AACS: variants seen among roughly 807,000 people sequenced by gnomAD.
AACS encodes the protein acetoacetyl-CoA synthetase.
In AACS, 69 loss-of-function variants were observed where a neutral mutation model predicts 83.1. The observed-to-expected ratio is 0.83, with a 90% CI of 0.68 to 1.01. AACS has a LOEUF of 1.01. Among genes scored for constraint, AACS ranks in the 50% least tolerant of loss-of-function variants. AACS has a pLI of 0.00. For missense variants in AACS, 866 were observed against 882.2 expected, an observed-to-expected ratio of 0.98 and a Z score of 0.23; for synonymous variants, 333 against 343.4, an observed-to-expected ratio of 0.97 and a Z score of 0.33.
intron 14 of AACS, among the ~76,000 whole-genome samples, chr12:125,132,498 T>G (rs1372400193): frequency 6.6e-6 from 1 of 152,166 alleles, no homozygotes; most frequent in African/African-American, 2.4e-5. Flanking sequence ...GGGCTGCCAT[T>G]CATAGACTCA....
At chr12:125,076,652 G>A (rs750458119) in intron 3 of AACS, 41 bp downstream of exon 3, 11 of 1,611,846 alleles carry the variant, frequency 6.8e-6, no homozygotes, top group South Asian at 6.6e-5. Context: ...CTCCGTGGAA[G>A]TTCTAGATGG....
chr12:125,084,706 G>A (rs554769640), intron 3 of AACS, among the ~76,000 whole-genome samples: 4 of 152,000 alleles, frequency 2.6e-5, no homozygotes, highest in African/African-American at 7.2e-5. Context: ...AGTATCCCGA[G>A]TAGATAGGAC....
At chr12:125,075,584 G>T (rs1248388557) in intron 2 of AACS, among the ~76,000 whole-genome samples, 1 of 148,546 alleles carries the variant, frequency 6.7e-6, no homozygotes, top group Admixed American at 6.7e-5. Context: ...GAGCCACTGT[G>T]CCCAGCTGGA....
Position 125,107,179 on chromosome 12 carries a change from T to C in AACS, c.826T>C (p.Phe276Leu), listed in dbSNP as rs754194640. 1 of 1,613,970 alleles carries C rather than the reference T, an allele frequency of 6.2e-7. No individual in the cohort carries two copies. The change falls in exon 8 of 18, where the codon TTC (phenylalanine) becomes CTC (leucine). Residue 276 changes from phenylalanine (F) to leucine (L), a missense_variant. Physicochemically the swap from Phe to Leu is conservative, Grantham distance 22. Transcript: ENST00000316519. ...CAGTGAGCAGGCCCCGCAGCTGGAGTTCGAGCAGCTGCCCTTCAGCCACCC... is the reference window on the plus strand; with the variant it reads ...CAGTGAGCAGGCCCCGCAGCTGGAGCTCGAGCAGCTGCCCTTCAGCCACCC... Reference protein sequence around the residue: ...GTSEQAPQLEFEQLPFSHPLF... With the variant: ...GTSEQAPQLELEQLPFSHPLF...
At chr12:125,087,822 A>G (rs967983378) in intron 4 of AACS, among the ~76,000 whole-genome samples, 3 of 152,166 alleles carry the variant, frequency 2.0e-5, no homozygotes, top group Non-Finnish European at 4.4e-5. Flanking sequence ...AGGACTGGAC[A>G]TGGAGTTAGT....
chr12:125,132,351 A>C (rs73231679), intron 14 of AACS, among the ~76,000 whole-genome samples: 5,790 of 152,258 alleles, frequency 0.038, 142 homozygotes, highest in Non-Finnish European at 0.054. Flanking sequence ...GGCCCAGAAA[A>C]CCCAGAAATT....
At chr12:125,085,513 C>T (rs954151816) in intron 3 of AACS, among the ~76,000 whole-genome samples, 2 of 151,942 alleles carry the variant, frequency 1.3e-5, no homozygotes, top group African/African-American at 4.8e-5. Context: ...ACATGTGTTT[C>T]ATGGAACCAC....
At chr12:125,091,601 C>T in intron 5 of AACS, 78 bp downstream of exon 5, 1 of 1,463,826 alleles carries the variant, frequency 6.8e-7, no homozygotes, top group Non-Finnish European at 9.5e-7. Context: ...GGCTGAATTC[C>T]CAGGGGAGCC....
At chr12:125,114,625 GAC>G in intron 9 of AACS, 68 bp downstream of exon 9, 1 of 1,435,082 alleles carries the variant, frequency 7.0e-7, no homozygotes, top group South Asian at 1.3e-5. Flanking sequence ...GCCAGCCCAT[GAC>G]ACATAGTAAG....
intron 1 of AACS, among the ~76,000 whole-genome samples, chr12:125,070,751 A>G (rs1034092955): frequency 3.3e-5 from 5 of 152,176 alleles, no homozygotes; most frequent in Non-Finnish European, 5.9e-5. Flanking sequence ...AGGTGGTAGT[A>G]GTAGCCCCAT....
intron 3 of AACS, among the ~76,000 whole-genome samples, chr12:125,085,072 G>A (rs1956299194): frequency 6.6e-6 from 1 of 152,220 alleles, no homozygotes; most frequent in Admixed American, 6.5e-5. Context: ...GTGATTGCCC[G>A]GGGTGGGGGT....
chr12:125,142,281 T>C lies in AACS; in HGVS notation c.*52T>C. 1 of 1,592,544 alleles carries C rather than the reference T, an allele frequency of 6.3e-7. No homozygotes were observed. The highest frequency in any genetic ancestry group is 8.6e-7 in the Non-Finnish European group (1 of 1,166,570). Reference sequence around the variant, plus strand: ...CCGCACCCGTGTGCACTGTAACTTTTGTGTGCTCAAGAAATTATACAGAAA... The same window carrying C: ...CCGCACCCGTGTGCACTGTAACTTTCGTGTGCTCAAGAAATTATACAGAAA... On this transcript the variant is annotated 3_prime_UTR_variant, in exon 18 of 18. Coordinates refer to ENST00000316519, the MANE Select transcript of AACS (RefSeq NM_023928.5).
At chr12:125,114,319 G>T (rs559006597) in intron 8 of AACS, 158 bp from the exon 9 acceptor site, 4 of 570,942 alleles carry the variant, frequency 7.0e-6, no homozygotes, top group African/African-American at 1.9e-5. Flanking sequence ...ACAGGGGAGT[G>T]GGGGGAACCC....
chr12:125,094,999 GT>G lies in AACS; in HGVS notation c.570+3477del, dbSNP rs1956573853. 1.3e-5 allele frequency among the ~76,000 whole-genome samples: 2 copies of G among 151,020 alleles called. No individual in the cohort carries two copies. Among genetic ancestry groups the G allele is most frequent in the Non-Finnish European group, 3.0e-5 (2 of 67,670 alleles). ...TGGCCGTGTGTGTGTGTGTGTGTGT[GT>G]GTGTGTGTGTGTGTGTGTGTGTGTC... On this transcript the variant is annotated intron_variant, in intron 5 of 17. Coordinates refer to ENST00000316519, the MANE Select transcript of AACS (RefSeq NM_023928.5). This position sits in a 1 kb window ranked among gnomAD's most constrained non-coding sequence, Gnocchi z 4.1.
intron 8 of AACS, among the ~76,000 whole-genome samples, chr12:125,111,301 A>C (rs559227323): frequency 7.4e-6 from 1 of 135,362 alleles, no homozygotes; most frequent in African/African-American, 2.7e-5. Context: ...TCTTGCAGAC[A>C]AGGGTCGGGG....
chr12:125,076,425 C>G (rs1956022454), intron 2 of AACS, 66 bp from the exon 3 acceptor site: 1 of 1,578,466 alleles, frequency 6.3e-7, no homozygotes. Context: ...GACATAGTCT[C>G]ATGTTTTGCT....
chr12:125,091,068 G>A (rs550203160), intron 4 of AACS: 55 of 314,474 alleles, frequency 1.7e-4, no homozygotes, highest in South Asian at 1.0e-3. Flanking sequence ...GCTGGTGTGC[G>A]TGGAGGAGTG....
intron 10 of AACS, chr12:125,123,608 C>G (rs957276753): frequency 1.3e-5 from 2 of 152,384 alleles, no homozygotes; most frequent in East Asian, 3.9e-4. Context: ...CCCTGAATTC[C>G]GGGATGTTCT....
intron 2 of AACS, among the ~76,000 whole-genome samples, chr12:125,076,024 AT>A (rs1382694682): frequency 6.6e-6 from 1 of 152,206 alleles, no homozygotes; most frequent in Non-Finnish European, 1.5e-5. Flanking sequence ...GGGGCAAACC[AT>A]TTTGAAATGT....
Sources: gnomAD v4.1 joint callset for allele counts (sites outside exome capture counted in the v4.1 genomes callset) on GRCh38, gnomAD v4.1.1 for gene constraint, Gnocchi (gnomAD v3.1) non-coding constraint, MANE v1.5 for transcripts, NCBI Gene and HGNC (gene_info 2026-07-23, HGNC 2026-07-21) for gene names.